ZNF608: variants seen among roughly 807,000 people sequenced by gnomAD.
ZNF608 encodes renal carcinoma antigen NY-REN-36.
ZNF608 carries 12 observed loss-of-function variants against 109.0 expected under a neutral mutation model. The observed-to-expected ratio is 0.11, with a 90% CI of 0.07 to 0.18. The LOEUF (loss-of-function observed/expected upper bound fraction) is 0.18, where lower values mean the gene tolerates loss of function less well. ZNF608 is among the 10% of genes least tolerant of loss of function. The pLI, the probability that ZNF608 is intolerant of heterozygous loss-of-function variation, is 1.00. For missense variants in ZNF608, 1,707 were observed against 1,879.3 expected (o/e 0.91, Z 1.70); for synonymous variants, 732 against 717.4 (o/e 1.02, Z -0.33).
chr5:124,709,486 C>T (rs1237867291), intron 2 of ZNF608, among the ~76,000 whole-genome samples: 1 of 152,148 alleles, frequency 6.6e-6, no homozygotes, highest in African/African-American at 2.4e-5. Context: ...AAATTAAATT[C>T]CTCCCTCAAA....
At chr5:124,674,628 T>C (rs1751861904) in intron 3 of ZNF608, among the ~76,000 whole-genome samples, 1 of 152,238 alleles carries the variant, frequency 6.6e-6, no homozygotes, top group Non-Finnish European at 1.5e-5. Context: ...TGTTTTGCTT[T>C]GAGACAGAGT....
rs1318172005 is a variant in ZNF608, at chr5:124,694,007, G to A, written c.1162+7007C>T. Reference sequence around the variant, plus strand: ...TTTTTTTTTTTTGAGAGAGAGTCTCGCTCTGTTGCCCAGGCTAGAGTGCAG... The same window carrying A: ...TTTTTTTTTTTTGAGAGAGAGTCTCACTCTGTTGCCCAGGCTAGAGTGCAG... On this transcript the variant is annotated intron_variant, in intron 3 of 9. Coordinates refer to ENST00000513986, the MANE Select transcript of ZNF608 (RefSeq NM_020747.3). Among the ~76,000 whole-genome samples the A allele has an allele frequency of 8.1e-4, 13 of 16,016 alleles. No homozygotes were observed. The Admixed American group carries it at 8.3e-3, about 10-fold the overall frequency. The allele number at this position is 16,016 out of a possible 152,430, so 10.5% of individuals were successfully genotyped here. A position where few individuals can be genotyped will look rare whatever the true frequency, so the allele number is the denominator to read the frequency against.
At chr5:124,669,626 A>T (rs1365645486) in intron 3 of ZNF608, among the ~76,000 whole-genome samples, 1 of 150,602 alleles carries the variant, frequency 6.6e-6, no homozygotes, top group Non-Finnish European at 1.5e-5. Context: ...TGGTTCAAAA[A>T]ATCCATGAAT....
At chr5:124,683,217 A>G (rs1392576184) in intron 3 of ZNF608, among the ~76,000 whole-genome samples, 2 of 152,228 alleles carry the variant, frequency 1.3e-5, no homozygotes, top group South Asian at 4.1e-4. Context: ...TTCAGCTGAC[A>G]GTAGCACCTG....
intron 8 of ZNF608, among the ~76,000 whole-genome samples, chr5:124,640,807 G>C (rs974348088): frequency 6.6e-6 from 1 of 152,204 alleles, no homozygotes; most frequent in Non-Finnish European, 1.5e-5. Flanking sequence ...GGTTATAAAA[G>C]TGTTAAACCT....
intron 3 of ZNF608, among the ~76,000 whole-genome samples, chr5:124,682,244 TCTA>T (rs1167799846): frequency 1.2e-4 from 19 of 152,210 alleles, no homozygotes; most frequent in Non-Finnish European, 2.6e-4. Flanking sequence ...GGCTAATTTT[TCTA>T]CTTTTAGTAG....
intron 5 of ZNF608, among the ~76,000 whole-genome samples, chr5:124,646,372 A>T (rs956329144): frequency 9.9e-5 from 15 of 152,188 alleles, no homozygotes; most frequent in Non-Finnish European, 1.9e-4. Context: ...AATTTAAAAA[A>T]TTTAAAAAAA....
At chr5:124,698,197 C>T (rs1021206781) in intron 3 of ZNF608, among the ~76,000 whole-genome samples, 9 of 152,192 alleles carry the variant, frequency 5.9e-5, no homozygotes, top group Non-Finnish European at 1.3e-4. Context: ...TTCTGTGTCT[C>T]TCTTTGTTTC....
At chr5:124,642,522 A>T (rs1337458291) in intron 7 of ZNF608, among the ~76,000 whole-genome samples, 1 of 152,130 alleles carries the variant, frequency 6.6e-6, no homozygotes, top group African/African-American at 2.4e-5. Flanking sequence ...CAAGTAGCAG[A>T]AACCTCAAAT....
chr5:124,684,969 T>C (rs577734448), intron 3 of ZNF608, among the ~76,000 whole-genome samples: 4 of 152,316 alleles, frequency 2.6e-5, no homozygotes, highest in African/African-American at 9.6e-5. Context: ...AATAAAGAAT[T>C]TTTAAGCAAA....
At chr5:124,642,611 G>C (rs145502183) in intron 7 of ZNF608, among the ~76,000 whole-genome samples, 3 of 152,112 alleles carry the variant, frequency 2.0e-5, no homozygotes, top group African/African-American at 7.2e-5. Flanking sequence ...CACATTGATG[G>C]GGAGCAGCAC....
intron 3 of ZNF608, among the ~76,000 whole-genome samples, chr5:124,662,932 A>G (rs1202404739): frequency 6.6e-6 from 1 of 152,196 alleles, no homozygotes; most frequent in East Asian, 1.9e-4. Flanking sequence ...GGACAATGCT[A>G]ACACTTGGGG....
At chr5:124,678,524 T>C (rs906118132) in intron 3 of ZNF608, among the ~76,000 whole-genome samples, 3 of 152,198 alleles carry the variant, frequency 2.0e-5, no homozygotes, top group African/African-American at 7.2e-5. Flanking sequence ...AAAGGACAAC[T>C]TGGAACTGCC....
intron 3 of ZNF608, among the ~76,000 whole-genome samples, chr5:124,657,301 A>G (rs1488630825): frequency 1.3e-5 from 2 of 152,170 alleles, no homozygotes; most frequent in Non-Finnish European, 1.5e-5. Context: ...TTCACTGACC[A>G]AGTTTAAGCA....
chr5:124,644,231 C>T lies in ZNF608; in HGVS notation c.4123+13G>A, dbSNP rs754132067. ...CTCTTTCCTCCAATATAGTCAGAAC[C>T]GACAACACGTACCAGGATAACTGTG... On this transcript the variant is annotated intron_variant, in intron 6 of 9. Transcript: ENST00000513986. The T allele has an allele frequency of 1.8e-5, 28 of 1,588,466 alleles. No homozygotes were observed. The highest frequency in any genetic ancestry group is 8.5e-5 in the Admixed American group (5 of 59,114).
intron 3 of ZNF608, among the ~76,000 whole-genome samples, chr5:124,697,224 CAAA>C (rs5871099): frequency 4.6e-4 from 51 of 111,596 alleles, no homozygotes; most frequent in Non-Finnish European, 7.2e-4. Flanking sequence ...CAGGTAAGGC[CAAA>C]AAAAAAAAAA....
chr5:124,663,709 G>A (rs551340489), intron 3 of ZNF608, among the ~76,000 whole-genome samples: 3 of 152,206 alleles, frequency 2.0e-5, no homozygotes, highest in Admixed American at 6.5e-5. Context: ...TTCCCAAACC[G>A]GTGAGCAGAA....
intron 2 of ZNF608, among the ~76,000 whole-genome samples, chr5:124,712,045 G>A (rs1195273780): frequency 6.6e-6 from 1 of 152,162 alleles, no homozygotes; most frequent in South Asian, 2.1e-4. Flanking sequence ...TACTCGGGAG[G>A]CTGAGGCAGG....
chr5:124,662,709 G>C (rs1055162445), intron 3 of ZNF608, among the ~76,000 whole-genome samples: 12 of 152,168 alleles, frequency 7.9e-5, no homozygotes, highest in African/African-American at 2.9e-4. Flanking sequence ...CTCATCATCA[G>C]CGTGTGTTTT....
Sources: allele counts gnomAD v4.1 joint callset (sites outside exome capture counted in the v4.1 genomes callset), GRCh38; gene constraint gnomAD v4.1.1; transcripts MANE v1.5; gene names NCBI Gene and HGNC (gene_info 2026-07-23, HGNC 2026-07-21).